The following BMP5 variants were observed in gnomAD, a reference collection of about 807,000 sequenced individuals.
BMP5 encodes bone morphogenetic protein 5.
Under a neutral mutation model 46.6 loss-of-function variants are expected in BMP5, and 23 were observed. That is an observed-to-expected ratio of 0.49 (90% CI 0.35 to 0.70). The LOEUF (loss-of-function observed/expected upper bound fraction) is 0.70. Among genes scored for constraint, BMP5 ranks in the 30% least tolerant of loss-of-function variants. The probability of loss-of-function intolerance (pLI) is 0.00; values close to 1 mark genes in which losing one functional copy is unlikely to be tolerated. For missense variants in BMP5, 545 were observed against 565.6 expected (o/e 0.96, Z 0.37); for synonymous variants, 204 against 191.9 (o/e 1.06, Z -0.52).
chr6:55,857,577 T>G (rs1777429953), intron 1 of BMP5, among the ~76,000 whole-genome samples: 1 of 152,210 alleles, frequency 6.6e-6, no homozygotes, highest in Non-Finnish European at 1.5e-5. Flanking sequence ...ATCTTGAGAT[T>G]CCATGAAAAG....
At chr6:55,847,641 T>A (rs1046185697) in intron 1 of BMP5, among the ~76,000 whole-genome samples, 1 of 151,910 alleles carries the variant, frequency 6.6e-6, no homozygotes, top group African/African-American at 2.4e-5. Context: ...AAAAATGCAA[T>A]AATTTTTTTT....
chr6:55,825,456 AG>A (rs1776507084), intron 1 of BMP5, among the ~76,000 whole-genome samples: 1 of 152,034 alleles, frequency 6.6e-6, no homozygotes, highest in African/African-American at 2.4e-5. Context: ...AGTGAAAAGA[AG>A]CAGAATTGCC....
At chr6:55,837,736 G>T (rs1188078981) in intron 1 of BMP5, among the ~76,000 whole-genome samples, 2 of 152,068 alleles carry the variant, frequency 1.3e-5, no homozygotes, top group African/African-American at 4.8e-5. Context: ...TGCTACCAAA[G>T]AGTAGGTTTT....
intron 2 of BMP5, among the ~76,000 whole-genome samples, chr6:55,808,207 C>T (rs1221746263): frequency 6.6e-6 from 1 of 152,168 alleles, no homozygotes; most frequent in East Asian, 1.9e-4. Flanking sequence ...CAGGAAGGCC[C>T]TGCCCAGTGA....
At chr6:55,766,964 G>A (rs228144) in intron 4 of BMP5, among the ~76,000 whole-genome samples, 132,513 of 152,032 alleles carry the variant, frequency 0.87, 57,939 homozygotes, top group African/African-American at 0.94. Flanking sequence ...TATAGTGCAT[G>A]GCATATAGTT....
chr6:55,780,417 G>A (rs1283027132), intron 3 of BMP5, among the ~76,000 whole-genome samples: 17 of 125,692 alleles, frequency 1.4e-4, no homozygotes, highest in Non-Finnish European at 2.0e-4. Flanking sequence ...TCAGAAGATC[G>A]AGACCATTCT....
At chr6:55,818,596 G>A (rs991421937) in intron 2 of BMP5, among the ~76,000 whole-genome samples, 13 of 151,996 alleles carry the variant, frequency 8.6e-5, no homozygotes, top group Admixed American at 3.3e-4. Flanking sequence ...GTGAATCTCC[G>A]AGAGGATAGT....
chr6:55,758,070 C>T (rs1264757886), intron 6 of BMP5, among the ~76,000 whole-genome samples: 2 of 151,886 alleles, frequency 1.3e-5, no homozygotes, highest in Non-Finnish European at 2.9e-5. Context: ...CATAAATAAA[C>T]CTCACCCACA....
chr6:55,862,986 A>G (rs1777558387), intron 1 of BMP5, among the ~76,000 whole-genome samples: 2 of 152,198 alleles, frequency 1.3e-5, no homozygotes, highest in South Asian at 4.1e-4. Flanking sequence ...ACATTGAGCA[A>G]AGAAAAAAAA....
At chr6:55,793,589 A>G (rs1775625840) in intron 3 of BMP5, among the ~76,000 whole-genome samples, 1 of 152,174 alleles carries the variant, frequency 6.6e-6, no homozygotes, top group African/African-American at 2.4e-5. Flanking sequence ...TAGGGCATAT[A>G]GTAGGTGCCC....
intron 1 of BMP5, among the ~76,000 whole-genome samples, chr6:55,837,369 A>G (rs9475422): frequency 2.9e-4 from 43 of 149,060 alleles, no homozygotes; most frequent in African/African-American, 8.0e-4. Context: ...ATAGATAGAT[A>G]GATAGATAGA....
chr6:55,755,745 A>G, intron 6 of BMP5, 63 bp from the exon 7 acceptor site: 1 of 1,472,192 alleles, frequency 6.8e-7, no homozygotes, highest in Non-Finnish European at 9.4e-7. Context: ...TGCAGTTTTA[A>G]AATGGTATGA....
intron 3 of BMP5, among the ~76,000 whole-genome samples, chr6:55,775,592 T>C (rs551864811): frequency 7.9e-5 from 12 of 151,958 alleles, no homozygotes; most frequent in Admixed American, 4.6e-4. Flanking sequence ...ATGTGCATGA[T>C]TGACTCTGGC....
intron 2 of BMP5, among the ~76,000 whole-genome samples, chr6:55,794,947 C>G (rs895601774): frequency 6.6e-6 from 1 of 151,988 alleles, no homozygotes; most frequent in Non-Finnish European, 1.5e-5. Context: ...GAGAGTATTA[C>G]AGAGTAATAC....
rs1040018149 is a variant in BMP5, at chr6:55,874,606, G to A, written c.260C>T (p.Ala87Val). 7 of 1,613,376 alleles carry A rather than the reference G, an allele frequency of 4.3e-6. No homozygotes were observed. The African/African-American group carries it at 6.7e-5, about 15-fold the overall frequency. ...TTCAGGATTTTCTTCATTGGTCATG[G>A]CATTGTAGAGATCCAGCATAAAGAG... ...APLFMLDLYN[A>V]MTNEENPEES... Residue 87 changes from alanine (A) to valine (V), a missense_variant, in exon 1 of 7, where the codon GCC becomes GTC. Physicochemically the swap from Ala to Val is moderately conservative, Grantham distance 64 (BLOSUM62 0). Transcript: ENST00000370830.
intron 1 of BMP5, among the ~76,000 whole-genome samples, chr6:55,835,176 T>G (rs184457030): frequency 1.4e-4 from 21 of 152,304 alleles, no homozygotes; most frequent in Non-Finnish European, 2.6e-4. Context: ...ACAGCTTCAT[T>G]AGCAGAAAAA....
At chr6:55,852,771 C>T (rs971761503) in intron 1 of BMP5, among the ~76,000 whole-genome samples, 1 of 152,114 alleles carries the variant, frequency 6.6e-6, no homozygotes, top group Non-Finnish European at 1.5e-5. Context: ...GTTTGGTTTG[C>T]TGTCATTCTT....
At chr6:55,780,416 C>T (rs1775281877) in intron 3 of BMP5, among the ~76,000 whole-genome samples, 3 of 119,458 alleles carry the variant, frequency 2.5e-5, no homozygotes, top group Non-Finnish European at 4.8e-5. Flanking sequence ...GTCAGAAGAT[C>T]GAGACCATTC....
intron 1 of BMP5, among the ~76,000 whole-genome samples, chr6:55,863,201 G>A (rs1688027192): frequency 6.6e-6 from 1 of 152,082 alleles, no homozygotes; most frequent in Admixed American, 6.5e-5. Context: ...ACTTCCTTGA[G>A]GGCTATATAC....
Sources: allele counts gnomAD v4.1 joint callset (sites outside exome capture counted in the v4.1 genomes callset), GRCh38; gene constraint gnomAD v4.1.1; transcripts MANE v1.5; gene names NCBI Gene and HGNC (gene_info 2026-07-23, HGNC 2026-07-21).